Variants in TFAP2A observed in about 807,000 individuals in gnomAD.
The protein encoded by TFAP2A is transcription factor AP-2 alpha, also known as transcription factor AP-2-alpha.
A neutral mutation model predicts 41.5 loss-of-function variants in TFAP2A; 7 were observed. That is an observed-to-expected ratio of 0.17 (90% CI 0.10 to 0.32). The LOEUF (loss-of-function observed/expected upper bound fraction) is 0.32, where lower values mean the gene tolerates loss of function less well. Among genes scored for constraint, TFAP2A ranks in the 10% least tolerant of loss-of-function variants. The probability of loss-of-function intolerance (pLI) is 1.00; values close to 1 mark genes in which losing one functional copy is unlikely to be tolerated. For missense variants in TFAP2A, 416 were observed against 563.3 expected (o/e 0.74, Z 2.65); for synonymous variants, 247 against 242.8 (o/e 1.02, Z -0.16).
At chr6:10,412,001 C>T in intron 1 of TFAP2A, 1 of 1,079,478 alleles carries the variant, frequency 9.3e-7, no homozygotes, top group South Asian at 2.9e-5. Flanking sequence ...CCGCGCTGGG[C>T]AGCGTTCCTG....
intron 6 of TFAP2A, 87 bp downstream of exon 6, chr6:10,400,361 C>G (rs914063677): frequency 1.3e-6 from 2 of 1,544,622 alleles, no homozygotes; most frequent in African/African-American, 1.4e-5. Flanking sequence ...AAAAGGAAAA[C>G]AAGGGAGAAG....
chr6:10,402,306 T>C (rs772320096), intron 5 of TFAP2A, 186 bp downstream of exon 5: 15 of 681,158 alleles, frequency 2.2e-5, no homozygotes, highest in South Asian at 1.8e-4. Flanking sequence ...GGAAGAAGGA[T>C]GGAGGTATAG....
upstream of TFAP2A, chr6:10,415,545 C>A: frequency 4.5e-6 from 1 of 223,020 alleles, no homozygotes; most frequent in Non-Finnish European, 9.1e-6. Flanking sequence ...TTCCTTTTCT[C>A]CAGAGATGCC....
upstream of TFAP2A, chr6:10,416,288 C>G (rs1758238449): frequency 1.3e-5 from 2 of 152,210 alleles, no homozygotes; most frequent in Non-Finnish European, 1.5e-5. Context: ...GAGGCAGAGC[C>G]CGGCTGCCGC....
rs1761968960 is a variant in TFAP2A at position 10,400,531 on chromosome 6, G to A, written c.948C>T (p.Ala316=). The A allele has an allele frequency of 1.2e-6, 2 of 1,613,968 alleles. No individual in the cohort carries two copies. The highest frequency in any genetic ancestry group is 1.7e-6 in the Non-Finnish European group (2 of 1,180,038). Residue 316 remains alanine (A), a synonymous_variant, in exon 6 of 7, where the codon GCC becomes GCT. Coordinates refer to ENST00000379613, the MANE Select transcript of TFAP2A (RefSeq NM_001372066.1). ...GGTTGAGAAATTCAGCTACTGCTTTGGCAGGAAATTCGGTTTCGCACACGT... is the reference window on the plus strand; with the variant it reads ...GGTTGAGAAATTCAGCTACTGCTTTAGCAGGAAATTCGGTTTCGCACACGT... ...FGYVCETEFP[A]KAVAEFLNRQ... is the part of the protein sequence containing the mutation.
intron 5 of TFAP2A, 86 bp downstream of exon 5, chr6:10,402,406 T>C (rs755605634): frequency 1.9e-6 from 2 of 1,029,610 alleles, no homozygotes; most frequent in African/African-American, 3.1e-5. Flanking sequence ...CCAACTGACA[T>C]AAAATACGAC....
chr6:10,419,061 C>G (rs1256808057), upstream of TFAP2A, among the ~76,000 whole-genome samples: 1 of 152,178 alleles, frequency 6.6e-6, no homozygotes, highest in Non-Finnish European at 1.5e-5. Context: ...TCTCCCTCCC[C>G]CCTTCCGAAT....
intron 6 of TFAP2A, 83 bp downstream of exon 6, chr6:10,400,365 G>A (rs1250642987): frequency 6.4e-7 from 1 of 1,553,614 alleles, no homozygotes; most frequent in Non-Finnish European, 8.9e-7. Flanking sequence ...GGAAAACAAG[G>A]GAGAAGGAAG....
intron 6 of TFAP2A, among the ~76,000 whole-genome samples, chr6:10,399,300 C>G (rs528836519): frequency 2.6e-5 from 4 of 152,322 alleles, no homozygotes; most frequent in African/African-American, 9.6e-5. Flanking sequence ...AACGGGCCCA[C>G]ACAAGCCCTG....
chr6:10,401,875 G>A (rs1762020427), intron 5 of TFAP2A, among the ~76,000 whole-genome samples: 1 of 152,182 alleles, frequency 6.6e-6, no homozygotes, highest in Non-Finnish European at 1.5e-5. Flanking sequence ...TTGTTTTGAG[G>A]CATTTGGAAG....
intron 4 of TFAP2A, among the ~76,000 whole-genome samples, 158 bp downstream of exon 4, chr6:10,404,350 C>A (rs907557646): frequency 6.6e-6 from 1 of 152,190 alleles, no homozygotes; most frequent in Admixed American, 6.5e-5. Context: ...CCAGATCCCG[C>A]CCACTTGGCT....
At chr6:10,399,738 C>T (rs1761933746) in intron 6 of TFAP2A, among the ~76,000 whole-genome samples, 1 of 152,344 alleles carries the variant, frequency 6.6e-6, no homozygotes, top group Non-Finnish European at 1.5e-5. Flanking sequence ...TCCAAACAAG[C>T]CTTTTAATTT....
At chr6:10,404,821 C>A (rs1019630699) in intron 3 of TFAP2A, 82 bp from the exon 4 acceptor site, 9 of 1,310,756 alleles carry the variant, frequency 6.9e-6, no homozygotes, top group East Asian at 2.3e-5. Flanking sequence ...TCATCCCGGC[C>A]AGGGCCGGAT....
chr6:10,398,994 A>AGGTTTC lies in TFAP2A; in HGVS notation c.1032-290_1032-289insGAAACC, dbSNP rs1761901968. Among the ~76,000 whole-genome samples the AGGTTTC allele has an allele frequency of 6.6e-6, 1 of 152,168 alleles. No homozygotes were observed. Among genetic ancestry groups the AGGTTTC allele is most frequent in the African/African-American group, 2.4e-5 (1 of 41,432 alleles). ...TTCCCACCTTTCTCCCTCACACAAA[A>AGGTTTC]CATCCTAGACATAGGAAACCATTTC... On this transcript the variant is annotated intron_variant, in intron 6 of 6. Transcript: ENST00000379613. This position sits in a 1 kb window ranked among gnomAD's most constrained non-coding sequence, Gnocchi z 5.3.
At chr6:10,414,451 G>C (rs995946041) in intron 1 of TFAP2A, 2 of 270,772 alleles carry the variant, frequency 7.4e-6, no homozygotes, top group East Asian at 2.0e-4. Context: ...AGAAGTGGGG[G>C]TGGGGGGAAG....
chr6:10,416,432 A>AG (rs371610508), upstream of TFAP2A: 6 of 147,502 alleles, frequency 4.1e-5, no homozygotes, highest in African/African-American at 1.6e-4. Context: ...TAAGTAAGAA[A>AG]AAAAAAAAAG....
At chr6:10,414,221 C>G (rs892638776) in intron 1 of TFAP2A, among the ~76,000 whole-genome samples, 2 of 152,238 alleles carry the variant, frequency 1.3e-5, no homozygotes, top group Non-Finnish European at 2.9e-5. Context: ...CTCGGCGCAG[C>G]ACATCTCCCC....
intron 1 of TFAP2A, among the ~76,000 whole-genome samples, chr6:10,411,191 C>T (rs1303054878): frequency 6.6e-6 from 1 of 152,114 alleles, no homozygotes; most frequent in Non-Finnish European, 1.5e-5. Flanking sequence ...GGCCGCAGGT[C>T]CCGAGGGTAG....
rs1167723607 is a variant in TFAP2A, at chr6:10,397,698, C to G, written c.*719G>C. The G allele has an allele frequency of 2.8e-5, 7 of 254,350 alleles. No individual in the cohort carries two copies. The highest frequency in any genetic ancestry group is 4.7e-5 in the African/African-American group (2 of 42,926). 15.8% of individuals were successfully genotyped at this position (254,350 alleles called of 1,614,324 possible). ...GCTTAAAACAGACTCACCATATTTA[C>G]AATTCCCATTAAATTACACATAAAT... On this transcript the variant is annotated 3_prime_UTR_variant, in exon 7 of 7. Coordinates refer to ENST00000379613, the MANE Select transcript of TFAP2A (RefSeq NM_001372066.1).
Sources: allele counts gnomAD v4.1 joint callset (sites outside exome capture counted in the v4.1 genomes callset), GRCh38; gene constraint gnomAD v4.1.1; non-coding constraint Gnocchi (gnomAD v3.1); transcripts MANE v1.5; gene names NCBI Gene and HGNC (gene_info 2026-07-23, HGNC 2026-07-21).